SCFD1: variants seen among roughly 807,000 people sequenced by gnomAD.
The protein encoded by SCFD1 is sec1 family domain-containing protein 1.
In SCFD1, 37 loss-of-function variants were observed where a neutral mutation model predicts 103.2. The ratio of observed to expected loss-of-function variants is 0.36; its 90% CI spans 0.28 to 0.47. The LOEUF (loss-of-function observed/expected upper bound fraction) is 0.47. SCFD1 is among the 20% of genes least tolerant of loss of function. The pLI, the probability that SCFD1 is intolerant of heterozygous loss-of-function variation, is 1.00. For synonymous variants in SCFD1, 264 were observed against 245.0 expected, an observed-to-expected ratio of 1.08 and a Z score of -0.73; for missense variants, 639 against 761.2, an observed-to-expected ratio of 0.84 and a Z score of 1.89.
chr14:30,664,843 GA>G (rs1358412047), intron 10 of SCFD1, among the ~76,000 whole-genome samples: 1 of 152,018 alleles, frequency 6.6e-6, no homozygotes. Flanking sequence ...GAAGTTTAGA[GA>G]AAAAAAGAGT....
At chr14:30,705,990 A>G (rs1891443249) in intron 18 of SCFD1, 105 bp downstream of exon 18, 2 of 860,882 alleles carry the variant, frequency 2.3e-6, no homozygotes, top group East Asian at 5.3e-5. Flanking sequence ...GGAAAATGTC[A>G]CCATGCCTTT....
At position 30,722,554 on chromosome 14, in the gene SCFD1, A is replaced by G. The variant is rs1892723419; in HGVS notation, c.1831A>G (p.Ile611Val). The G allele has an allele frequency of 1.3e-6, 2 of 1,593,692 alleles. No homozygotes were observed. Among genetic ancestry groups the G allele is most frequent in the Non-Finnish European group, 8.6e-7 (1 of 1,167,270 alleles). ...TGAATATCAGAATCTTGTTGACTAC[A>G]TAAAGGTACATTTTATTTAGCCTTT... ...YIEYQNLVDY[I>V]KGKQGKHILY... The change falls in exon 23 of 25, where the codon ATA (isoleucine) becomes GTA (valine). Residue 611 changes from isoleucine to valine, a missense_variant. Coordinates refer to ENST00000458591, the MANE Select transcript of SCFD1 (RefSeq NM_016106.4).
intron 15 of SCFD1, among the ~76,000 whole-genome samples, chr14:30,697,878 A>T (rs756608408): frequency 3.3e-5 from 5 of 152,264 alleles, no homozygotes; most frequent in African/African-American, 1.2e-4. Context: ...TGTATGTGGC[A>T]CATGATTCTG....
At chr14:30,712,449 GA>G (rs896103461) in intron 19 of SCFD1, among the ~76,000 whole-genome samples, 1 of 150,872 alleles carries the variant, frequency 6.6e-6, no homozygotes, top group African/African-American at 2.4e-5. Flanking sequence ...GAACTCAAAG[GA>G]AAAAAAACAC....
chr14:30,623,938 C>A (rs770615581), intron 1 of SCFD1, among the ~76,000 whole-genome samples: 6 of 152,034 alleles, frequency 3.9e-5, no homozygotes, highest in Non-Finnish European at 8.8e-5. Context: ...ATTCTAGATA[C>A]TAGAATATTT....
chr14:30,700,746 A>G (rs1024139907), intron 16 of SCFD1, among the ~76,000 whole-genome samples: 5 of 152,194 alleles, frequency 3.3e-5, no homozygotes, highest in African/African-American at 9.6e-5. Flanking sequence ...TTTTATAGCA[A>G]CTTTTATTGT....
intron 10 of SCFD1, among the ~76,000 whole-genome samples, chr14:30,662,615 A>G (rs1189277687): frequency 6.6e-6 from 1 of 152,242 alleles, no homozygotes; most frequent in Non-Finnish European, 1.5e-5. Context: ...TTGAAACAAT[A>G]GATGTTTAAT....
intron 21 of SCFD1, among the ~76,000 whole-genome samples, chr14:30,719,964 G>C (rs917589826): frequency 2.2e-5 from 3 of 138,604 alleles, no homozygotes; most frequent in African/African-American, 7.8e-5. Context: ...TTGGGGGCAG[G>C]GGGGTGGGGG....
intron 10 of SCFD1, among the ~76,000 whole-genome samples, chr14:30,664,995 T>TC (rs1887809611): frequency 6.6e-6 from 1 of 152,124 alleles, no homozygotes; most frequent in Non-Finnish European, 1.5e-5. Flanking sequence ...CAGGAGAACT[T>TC]CCCCAACCTA....
intron 6 of SCFD1, among the ~76,000 whole-genome samples, chr14:30,641,878 A>G (rs1885311307): frequency 1.3e-5 from 2 of 152,200 alleles, no homozygotes; most frequent in Non-Finnish European, 2.9e-5. Flanking sequence ...TGGGACATTA[A>G]AAATACTTTG....
intron 4 of SCFD1, among the ~76,000 whole-genome samples, chr14:30,637,744 G>C (rs868540590): frequency 6.6e-6 from 1 of 152,106 alleles, no homozygotes; most frequent in Non-Finnish European, 1.5e-5. Context: ...TGCAATGAAG[G>C]ATTTGTTGTG....
At chr14:30,662,221 A>G (rs1333096141) in intron 10 of SCFD1, among the ~76,000 whole-genome samples, 1 of 152,086 alleles carries the variant, frequency 6.6e-6, no homozygotes, top group Middle Eastern at 3.2e-3. Flanking sequence ...TAAGATGAAG[A>G]TTTTCTCCAG....
chr14:30,681,594 C>A (rs1224016761), intron 14 of SCFD1, among the ~76,000 whole-genome samples: 1 of 123,226 alleles, frequency 8.1e-6, no homozygotes, highest in African/African-American at 2.6e-5. Flanking sequence ...ACAAATAATT[C>A]AGTAAAAGCT....
At chr14:30,641,477 T>C (rs1243782948) in intron 6 of SCFD1, among the ~76,000 whole-genome samples, 1 of 152,200 alleles carries the variant, frequency 6.6e-6, no homozygotes, top group African/African-American at 2.4e-5. Flanking sequence ...TGCTTCCATG[T>C]AGATTTTTCT....
chr14:30,645,315 C>T (rs1885707377), intron 7 of SCFD1, among the ~76,000 whole-genome samples: 1 of 152,148 alleles, frequency 6.6e-6, no homozygotes, highest in Non-Finnish European at 1.5e-5. Flanking sequence ...TTTGGCTATT[C>T]AGGCTCTTTT....
intron 1 of SCFD1, among the ~76,000 whole-genome samples, chr14:30,627,990 CTTA>C (rs911253163): frequency 4.6e-5 from 7 of 152,036 alleles, no homozygotes; most frequent in African/African-American, 1.7e-4. Context: ...TGGACAGATG[CTTA>C]TTGTGTTTTG....
chr14:30,651,321 C>T (rs1886371633), intron 9 of SCFD1, among the ~76,000 whole-genome samples: 2 of 152,042 alleles, frequency 1.3e-5, no homozygotes, highest in African/African-American at 4.8e-5. Flanking sequence ...AATAACTGCC[C>T]ACTAGAAGTA....
intron 10 of SCFD1, chr14:30,669,710 G>A (rs1013357621): frequency 1.3e-5 from 2 of 152,144 alleles, no homozygotes; most frequent in African/African-American, 4.8e-5. Flanking sequence ...TAAAATTGCA[G>A]TTCATCACTC....
chr14:30,645,158 T>A (rs181251852), intron 7 of SCFD1, among the ~76,000 whole-genome samples: 2 of 152,298 alleles, frequency 1.3e-5, no homozygotes, highest in East Asian at 3.9e-4. Context: ...GTGGCTTTAT[T>A]TCTGGGTTCT....
Sources: allele counts gnomAD v4.1 joint callset (sites outside exome capture counted in the v4.1 genomes callset), GRCh38; gene constraint gnomAD v4.1.1; transcripts MANE v1.5; gene names NCBI Gene and HGNC (gene_info 2026-07-23, HGNC 2026-07-21).